Variants in LARP4 observed in about 807,000 individuals in gnomAD.
LARP4 encodes La ribonucleoprotein 4.
In LARP4, 29 loss-of-function variants were observed where a neutral mutation model predicts 92.9. That is an observed-to-expected ratio of 0.31 (90% CI 0.23 to 0.43). LARP4 has a LOEUF of 0.43. Ranked by LOEUF, LARP4 falls within the 20% of genes least tolerant of loss-of-function variation. The pLI is 1.00. For synonymous variants in LARP4, 279 were observed against 284.1 expected (o/e 0.98, Z 0.18); for missense variants, 732 against 860.0 (o/e 0.85, Z 1.86).
intron 10 of LARP4, among the ~76,000 whole-genome samples, chr12:50,456,313 A>G (rs1954230570): frequency 6.6e-6 from 1 of 152,172 alleles, no homozygotes; most frequent in Non-Finnish European, 1.5e-5. Context: ...CCACTTGTGT[A>G]CAGTTCTTTT....
chr12:50,465,371 CAAAAAAAA>C, intron 12 of LARP4, among the ~76,000 whole-genome samples: 1 of 112,350 alleles, frequency 8.9e-6, no homozygotes, highest in Middle Eastern at 4.5e-3. Flanking sequence ...GACTCTGTCT[CAAAAAAAA>C]AAAAAAAAAA....
chr12:50,456,084 C>T (rs1954184710), intron 10 of LARP4, among the ~76,000 whole-genome samples: 1 of 151,944 alleles, frequency 6.6e-6, no homozygotes, highest in African/African-American at 2.4e-5. Context: ...CCTCCCCGCT[C>T]CCCCCTCCAA....
chr12:50,415,977 GATTATA>G (rs1946715319), intron 1 of LARP4: 2 of 152,104 alleles, frequency 1.3e-5, no homozygotes, highest in African/African-American at 4.8e-5. Context: ...AAAGAGTTAG[GATTATA>G]GGCGTGAGCC....
chr12:50,460,720 CA>C (rs1955222048), intron 10 of LARP4, among the ~76,000 whole-genome samples: 1 of 152,132 alleles, frequency 6.6e-6, no homozygotes, highest in Non-Finnish European at 1.5e-5. Context: ...GCAGGCATAT[CA>C]CAAGGTCAGG....
chr12:50,435,597 C>G lies in LARP4; in HGVS notation c.508C>G (p.Pro170Ala), dbSNP rs778303791. The change falls in exon 5 of 16, where the codon CCT becomes GCT. Residue 170 changes from proline to alanine, a missense_variant. Around this residue, in one of 7 missense-constraint regions of LARP4, gnomAD observed 236 missense variants for 307.6 expected, o/e 0.77. Coordinates refer to ENST00000398473, the MANE Select transcript of LARP4 (RefSeq NM_052879.5). ...AGAAATAAAAAAGTTGACTACAGAC[C>G]CTGATCTAATTCTTGAAGTGTTAAG... is the stretch of plus-strand genomic sequence containing the variant. ...MEEIKKLTTD[P>A]DLILEVLRSS... The G allele has an allele frequency of 3.1e-6, 5 of 1,605,804 alleles. No homozygotes were observed. In the Admixed American group the frequency reaches 8.5e-5, roughly 27 times the overall value.
chr12:50,450,895 G>A (rs1484898413), intron 8 of LARP4, among the ~76,000 whole-genome samples: 3 of 151,898 alleles, frequency 2.0e-5, no homozygotes, highest in Non-Finnish European at 1.5e-5. Context: ...TCTTTTTTAC[G>A]TTTATGATAC....
rs1302551133 is a variant in LARP4, at chr12:50,478,327, G to GTGTGTGTA, written c.*2471_*2478dup. On this transcript the variant is annotated 3_prime_UTR_variant, in exon 16 of 16. Transcript: ENST00000398473. ...TATAGGGAAGAGTGAGAGAGTGTGT[G>GTGTGTGTA]TGTGTGTATGTGTGTGTAATATTTA... 4 of 151,946 alleles carry GTGTGTGTA rather than the reference G, an allele frequency of 2.6e-5. No individual in the cohort carries two copies. Among genetic ancestry groups the GTGTGTGTA allele is most frequent in the Non-Finnish European group, 5.9e-5 (4 of 67,896 alleles). The allele number at this position is 151,946 out of a possible 1,614,324, so 9.4% of individuals were successfully genotyped here.
intron 5 of LARP4, among the ~76,000 whole-genome samples, chr12:50,436,595 A>G (rs1422041063): frequency 6.6e-6 from 1 of 152,236 alleles, no homozygotes; most frequent in Non-Finnish European, 1.5e-5. Flanking sequence ...GCAGTTTGAC[A>G]AATACTGCTC....
intron 15 of LARP4, 123 bp downstream of exon 15, chr12:50,474,290 CAGAA>C: frequency 1.4e-6 from 1 of 701,624 alleles, no homozygotes; most frequent in Non-Finnish European, 2.4e-6. Context: ...GGCTGACTAT[CAGAA>C]AGAAGCTTAA....
At chr12:50,406,011 A>G (rs1038596406) in intron 1 of LARP4, among the ~76,000 whole-genome samples, 2 of 152,114 alleles carry the variant, frequency 1.3e-5, no homozygotes, top group East Asian at 1.9e-4. Flanking sequence ...TACAGATGCA[A>G]TGATTTTTTT....
chr12:50,456,980 T>G (rs1445054901), intron 10 of LARP4, among the ~76,000 whole-genome samples: 1 of 152,176 alleles, frequency 6.6e-6, no homozygotes, highest in East Asian at 1.9e-4. Context: ...TGGTGCAGTC[T>G]CTGCTTACTG....
chr12:50,473,573 T>C, intron 14 of LARP4, 37 bp downstream of exon 14: 1 of 1,593,148 alleles, frequency 6.3e-7, no homozygotes, highest in South Asian at 1.1e-5. Flanking sequence ...CAACATTAAA[T>C]TACTTTTTCT....
intron 10 of LARP4, among the ~76,000 whole-genome samples, chr12:50,455,881 T>A (rs1317403652): frequency 1.3e-5 from 2 of 152,098 alleles, no homozygotes; most frequent in African/African-American, 4.8e-5. Flanking sequence ...ACATCATCTC[T>A]ACCAAAAATA....
chr12:50,422,913 G>A lies in LARP4; in HGVS notation c.19-4849G>A, dbSNP rs143438426. Among the ~76,000 whole-genome samples the A allele has an allele frequency of 3.2e-3, 486 of 151,486 alleles. 2 individuals are homozygous for A. The highest frequency in any genetic ancestry group is 0.011 in the African/African-American group (447 of 41,392). ...GCTCACCGCAACCTCTGACTCCTGG[G>A]TTCAAGCGATTCTCTTGTCTTAGCC... On this transcript the variant is annotated intron_variant, in intron 1 of 15. Coordinates refer to ENST00000398473, the MANE Select transcript of LARP4 (RefSeq NM_052879.5).
intron 3 of LARP4, among the ~76,000 whole-genome samples, chr12:50,429,378 G>A (rs935820523): frequency 6.6e-6 from 1 of 152,038 alleles, no homozygotes; most frequent in African/African-American, 2.4e-5. Context: ...AGGAGGCCCA[G>A]GCGGGCAGAT....
chr12:50,471,601 G>T (rs969760194), intron 13 of LARP4, among the ~76,000 whole-genome samples: 3 of 152,122 alleles, frequency 2.0e-5, no homozygotes, highest in Non-Finnish European at 2.9e-5. Flanking sequence ...TTGGCTTATT[G>T]CAACCTCCAC....
chr12:50,457,745 C>T (rs1954582160), intron 10 of LARP4, among the ~76,000 whole-genome samples: 1 of 149,288 alleles, frequency 6.7e-6, no homozygotes. Context: ...GCCCAGGAGG[C>T]AGAGGTTGTA....
In LARP4 at chr12:50,410,952, A is replaced by G. The variant is rs147092448; in HGVS notation, c.18+9924A>G. Among the ~76,000 whole-genome samples, 770 of 152,190 alleles carry G rather than the reference A, an allele frequency of 5.1e-3. 24 individuals are homozygous for G. Among genetic ancestry groups the G allele is most frequent in the Admixed American group, 0.046 (708 of 15,262 alleles). On this transcript the variant is annotated intron_variant, in intron 1 of 15. Coordinates refer to ENST00000398473, the MANE Select transcript of LARP4 (RefSeq NM_052879.5). Reference sequence around the variant, plus strand: ...GAGTACCAGCAATAATACTGATGATAATATTGATGAATAAACTTCAGATTT... The same window carrying G: ...GAGTACCAGCAATAATACTGATGATGATATTGATGAATAAACTTCAGATTT...
At chr12:50,473,891 CAG>C in intron 14 of LARP4, 106 bp from the exon 15 acceptor site, 1 of 847,238 alleles carries the variant, frequency 1.2e-6, no homozygotes, top group East Asian at 2.6e-5. Context: ...GCCTGGGTGA[CAG>C]AGTGAGACTC....
Sources: allele counts gnomAD v4.1 joint callset (sites outside exome capture counted in the v4.1 genomes callset), GRCh38; gene constraint gnomAD v4.1.1; regional missense constraint gnomAD v4.1.1; transcripts MANE v1.5; gene names NCBI Gene and HGNC (gene_info 2026-07-23, HGNC 2026-07-21).